Variants in COX7A2 observed in about 807,000 individuals in gnomAD.
COX7A2 encodes cytochrome c oxidase subunit 7A2, mitochondrial.
COX7A2 carries 11 observed loss-of-function variants against 11.6 expected under a neutral mutation model. The observed-to-expected ratio is 0.95, with a 90% confidence interval of 0.60 to 1.57. The LOEUF is 1.57. Among genes scored for constraint, COX7A2 ranks in the 40% most tolerant of loss-of-function variants. COX7A2 has a pLI of 0.00. For synonymous variants in COX7A2, 30 were observed against 38.2 expected (o/e 0.78, Z 0.79); for missense variants, 106 against 100.9 (o/e 1.05, Z -0.22).
At position 75,241,247 on chromosome 6, in the gene COX7A2, G is replaced by A; in HGVS notation, c.37C>T (p.Gln13Ter). Residue 13 changes from glutamine (Q) to a stop codon, truncating the protein, a stop_gained, in exon 2 of 4, where the codon CAG (glutamine) becomes TAG (stop). Transcript: ENST00000684430. LOFTEE classifies it high-confidence loss of function. ...CGGGAAGCAGTGCTTATCGTCCTCT[G>A]CCCAATCTGACGAAGAGCCTAAAAT... ...RNLLALRQIG[Q>*]RTISTASRRH... is the part of the protein sequence containing the mutation. The A allele has an allele frequency of 6.4e-7, 1 of 1,550,650 alleles. No homozygotes were observed. The highest frequency in any genetic ancestry group is 1.3e-5 in the African/African-American group (1 of 74,276).
upstream of COX7A2, among the ~76,000 whole-genome samples, chr6:75,246,357 A>C (rs1771682085): frequency 6.6e-6 from 1 of 152,172 alleles, no homozygotes. Flanking sequence ...ATTTATTAAA[A>C]ATTTCTATTG....
At chr6:75,245,361 G>T (rs1771659145), upstream of COX7A2, among the ~76,000 whole-genome samples, 1 of 152,070 alleles carries the variant, frequency 6.6e-6, no homozygotes. Context: ...CGTGGTGGCG[G>T]GCGCCTGTAG....
chr6:75,237,733 C>A, downstream of COX7A2: 1 of 416,172 alleles, frequency 2.4e-6, no homozygotes, highest in East Asian at 3.5e-5. Flanking sequence ...CTAAGATTTA[C>A]AAGGCTGACC....
At chr6:75,239,810 AAGACATC>A (rs982298524) in intron 3 of COX7A2, among the ~76,000 whole-genome samples, 2 of 152,160 alleles carry the variant, frequency 1.3e-5, no homozygotes, top group African/African-American at 2.4e-5. Context: ...TTTTTTTATT[AAGACATC>A]AAGGCCAGGC....
chr6:75,239,060 C>T (rs1771409222), intron 3 of COX7A2, among the ~76,000 whole-genome samples: 9 of 152,162 alleles, frequency 5.9e-5, no homozygotes, highest in Admixed American at 5.9e-4. Context: ...GGTGATCTGC[C>T]AGCCTCAGCC....
At chr6:75,239,292 TGGAA>T (rs1771417351) in intron 3 of COX7A2, among the ~76,000 whole-genome samples, 1 of 152,138 alleles carries the variant, frequency 6.6e-6, no homozygotes, top group African/African-American at 2.4e-5. Context: ...GTAGATAGTG[TGGAA>T]ACTGAACTGG....
intron 1 of COX7A2, among the ~76,000 whole-genome samples, chr6:75,249,354 T>C (rs565147772): frequency 7.9e-5 from 12 of 152,328 alleles, no homozygotes; most frequent in African/African-American, 2.9e-4. Context: ...AGCGTTGATG[T>C]GCTGCAGAAC....
chr6:75,243,773 C>A lies in COX7A2; in HGVS notation c.-39G>T. On this transcript the variant is annotated 5_prime_UTR_variant, in exon 1 of 4. Transcript: ENST00000684430. ...GACCAGCAACCGCCACAACTGAACA[C>A]CACCAACGAAAATGGCCACGCCGGA... The A allele has an allele frequency of 6.2e-7, 1 of 1,614,130 alleles. No individual in the cohort carries two copies.
upstream of COX7A2, among the ~76,000 whole-genome samples, chr6:75,244,830 A>C (rs1009471410): frequency 1.3e-4 from 20 of 152,196 alleles, no homozygotes; most frequent in Non-Finnish European, 2.5e-4. Context: ...AGTCCCAGTT[A>C]AAATTCTCTT....
At chr6:75,250,215 T>C (rs1771759521) in exon 1 of COX7A2, 1 of 152,220 alleles carries the variant, frequency 6.6e-6, no homozygotes, top group Admixed American at 6.5e-5. Context: ...TTAACCTTCA[T>C]TTCTCAAGAG....
Position 75,237,996 on chromosome 6 carries a change from T to TA in COX7A2, c.194-9dup. 1 of 1,506,610 alleles carries TA rather than the reference T, an allele frequency of 6.6e-7. No individual in the cohort carries two copies. 93.3% of individuals were successfully genotyped at this position (1,506,610 alleles called of 1,614,324 possible). Reference sequence around the variant, plus strand: ...ATATGGCATATGCTGTTCCTAAAAATAAAAAACAAAAAAGAACTTAACCAT... The same window carrying TA: ...ATATGGCATATGCTGTTCCTAAAAATAAAAAAACAAAAAAGAACTTAACCAT... On this transcript the variant is annotated splice_polypyrimidine_tract_variant and intron_variant, in intron 3 of 3. Transcript: ENST00000684430.
chr6:75,243,963 C>G, upstream of COX7A2: 1 of 754,122 alleles, frequency 1.3e-6, no homozygotes, highest in Non-Finnish European at 2.1e-6. Flanking sequence ...TGATCTCGTT[C>G]CTGACCTTTT....
chr6:75,241,470 T>G (rs1771498318), intron 1 of COX7A2, among the ~76,000 whole-genome samples: 1 of 152,212 alleles, frequency 6.6e-6, no homozygotes, highest in Admixed American at 6.5e-5. Context: ...AGTCTCCAAA[T>G]AACATATTCA....
chr6:75,243,900 T>G, upstream of COX7A2: 1 of 1,417,776 alleles, frequency 7.1e-7, no homozygotes, highest in Non-Finnish European at 9.8e-7. Context: ...AAAGAAAAAC[T>G]AGAGCGGCAG....
chr6:75,242,655 A>G (rs2149511861), intron 1 of COX7A2, among the ~76,000 whole-genome samples: 1 of 152,098 alleles, frequency 6.6e-6, no homozygotes, highest in East Asian at 1.9e-4. Flanking sequence ...CCCCGTCTCT[A>G]TTAATAATAC....
At chr6:75,248,790 G>C (rs146149985), upstream of COX7A2, among the ~76,000 whole-genome samples, 1 of 152,118 alleles carries the variant, frequency 6.6e-6, no homozygotes, top group Non-Finnish European at 1.5e-5. Flanking sequence ...TGTAATACAC[G>C]CAAGGGAATA....
chr6:75,241,637 T>C lies in COX7A2; in HGVS notation c.19-372A>G, dbSNP rs116458596. Among the ~76,000 whole-genome samples, 542 of 152,274 alleles carry C rather than the reference T, an allele frequency of 3.6e-3. 3 individuals are homozygous for C. The highest frequency in any genetic ancestry group is 0.012 in the African/African-American group (498 of 41,546). On this transcript the variant is annotated intron_variant, in intron 1 of 3. Transcript: ENST00000684430. ...AATACACCAAACCCAAATATTTTCA[T>C]AATATACTGCCATATCATCAAAAAC...
At chr6:75,249,400 A>G (rs1243705328) in intron 1 of COX7A2, among the ~76,000 whole-genome samples, 1 of 152,220 alleles carries the variant, frequency 6.6e-6, no homozygotes, top group Non-Finnish European at 1.5e-5. Context: ...TGAAAAGAGA[A>G]AAAAAATATA....
chr6:75,243,692 G>A, intron 1 of COX7A2, 25 bp downstream of exon 1: 1 of 1,608,528 alleles, frequency 6.2e-7, no homozygotes, highest in Non-Finnish European at 8.5e-7. Context: ...CCCCCATCAT[G>A]AATGCAAGAT....
Sources: gnomAD v4.1 joint callset for allele counts (sites outside exome capture counted in the v4.1 genomes callset) on GRCh38, gnomAD v4.1.1 for gene constraint, MANE v1.5 for transcripts, NCBI Gene and HGNC (gene_info 2026-07-23, HGNC 2026-07-21) for gene names.